NTSR1: variants seen among roughly 807,000 people sequenced by gnomAD.
NTSR1 encodes neurotensin receptor 1.
NTSR1 carries 29 observed loss-of-function variants against 31.2 expected under a neutral mutation model. That is an observed-to-expected ratio of 0.93 (90% confidence interval 0.69 to 1.27). The LOEUF (loss-of-function observed/expected upper bound fraction) is 1.27. Ranked by LOEUF, NTSR1 falls within the 50% of genes most tolerant of loss-of-function variation. The pLI, the probability that NTSR1 is intolerant of heterozygous loss-of-function variation, is 0.00. For missense variants in NTSR1, 697 were observed against 595.4 expected, an observed-to-expected ratio of 1.17 and a Z score of -1.78; for synonymous variants, 282 against 269.9, an observed-to-expected ratio of 1.04 and a Z score of -0.44.
At chr20:62,746,211 T>C (rs372264771) in intron 1 of NTSR1, among the ~76,000 whole-genome samples, 22 of 152,158 alleles carry the variant, frequency 1.4e-4, no homozygotes, top group African/African-American at 5.3e-4. Flanking sequence ...TCTCACCCCC[T>C]GAGTTCTCAG....
chr20:62,746,744 T>G (rs550412663), intron 1 of NTSR1, among the ~76,000 whole-genome samples: 1 of 152,028 alleles, frequency 6.6e-6, no homozygotes, highest in East Asian at 1.9e-4. Context: ...AAAGGACCAA[T>G]AACAAAGAAG....
At chr20:62,717,689 G>T (rs1251781285) in intron 1 of NTSR1, among the ~76,000 whole-genome samples, 1 of 152,172 alleles carries the variant, frequency 6.6e-6, no homozygotes, top group Non-Finnish European at 1.5e-5. Flanking sequence ...AGCCTCCCCA[G>T]GCAGGAGGAA....
At chr20:62,736,923 C>T (rs962158579) in intron 1 of NTSR1, among the ~76,000 whole-genome samples, 5 of 152,176 alleles carry the variant, frequency 3.3e-5, no homozygotes, top group Non-Finnish European at 5.9e-5. Context: ...GTTTTAGAAG[C>T]GTCTGGCGTT....
intron 1 of NTSR1, among the ~76,000 whole-genome samples, chr20:62,737,103 C>A (rs1009119219): frequency 6.6e-6 from 1 of 152,194 alleles, no homozygotes; most frequent in African/African-American, 2.4e-5. Flanking sequence ...TAGAGCAGTG[C>A]GAAAATGGAC....
chr20:62,739,854 C>T (rs574001370), intron 1 of NTSR1, among the ~76,000 whole-genome samples: 10 of 152,370 alleles, frequency 6.6e-5, no homozygotes, highest in Non-Finnish European at 1.0e-4. Flanking sequence ...GAGAACAGGC[C>T]GGCGGGGTGC....
Position 62,750,413 on chromosome 20 carries a change from G to A in NTSR1, c.715-4272G>A, listed in dbSNP as rs575655496. Among the ~76,000 whole-genome samples, 8 of 152,194 alleles carry A rather than the reference G, an allele frequency of 5.3e-5. No homozygotes were observed. In the South Asian group the frequency reaches 8.3e-4, roughly 16 times the overall value. The stretch of plus-strand genomic sequence containing the variant: ...GAGTTAACAATACTGCATTGCGGCC[G>A]GGCGTGGTGGCTCACGCCTGTAATC... On this transcript the variant is annotated intron_variant, in intron 1 of 3. Transcript: ENST00000370501.
chr20:62,716,343 A>G (rs1053393842), intron 1 of NTSR1, among the ~76,000 whole-genome samples: 3 of 152,056 alleles, frequency 2.0e-5, no homozygotes, highest in Non-Finnish European at 4.4e-5. Flanking sequence ...CCAGACTCCA[A>G]GGCCCTGGGT....
chr20:62,720,888 T>C (rs1247417378), intron 1 of NTSR1, among the ~76,000 whole-genome samples: 2 of 152,248 alleles, frequency 1.3e-5, no homozygotes, highest in African/African-American at 4.8e-5. Flanking sequence ...CTCTTTAACC[T>C]TTGTGTTATT....
chr20:62,761,438 G>A lies in NTSR1; in HGVS notation c.*1171G>A, dbSNP rs988521613. Reference sequence around the variant, plus strand: ...CGGCCTCCAAGCAGTTGAAAAAGCTGGCGCCTCCTTGGTCTCTAGGATCCA... The same window carrying A: ...CGGCCTCCAAGCAGTTGAAAAAGCTAGCGCCTCCTTGGTCTCTAGGATCCA... On this transcript the variant is annotated 3_prime_UTR_variant, in exon 4 of 4. Coordinates refer to ENST00000370501, the MANE Select transcript of NTSR1 (RefSeq NM_002531.3). The A allele has an allele frequency of 2.6e-5, 4 of 152,312 alleles. No homozygotes were observed. The highest frequency in any genetic ancestry group is 9.6e-5 in the African/African-American group (4 of 41,464). 9.4% of individuals were successfully genotyped at this position (152,312 alleles called of 1,614,324 possible). A position where few individuals can be genotyped will look rare whatever the true frequency, so the allele number is the denominator to read the frequency against.
At position 62,758,465 on chromosome 20, in the gene NTSR1, G is replaced by A; in HGVS notation, c.1007+109G>A. Reference sequence around the variant, plus strand: ...GGGATCCACTCAGGGCAGGGGTGTGGTGAGTCCCCCGGCGACCCCCTGGGC... The same window carrying A: ...GGGATCCACTCAGGGCAGGGGTGTGATGAGTCCCCCGGCGACCCCCTGGGC... On this transcript the variant is annotated intron_variant, in intron 3 of 3. Transcript: ENST00000370501. This position sits in a 1 kb window ranked among gnomAD's most constrained non-coding sequence, Gnocchi z 4.5. The A allele has an allele frequency of 9.9e-7, 1 of 1,005,290 alleles. No homozygotes were observed. The highest frequency in any genetic ancestry group is 1.5e-6 in the Non-Finnish European group (1 of 660,478). The allele number at this position is 1,005,290 out of a possible 1,614,324, so 62.3% of individuals were successfully genotyped here. A position where few individuals can be genotyped will look rare whatever the true frequency, so the allele number is the denominator to read the frequency against.
In NTSR1 at chr20:62,731,343, A is replaced by C. The variant is rs1483633356; in HGVS notation, c.714+21422A>C. ...AGGTGATCCACCCGCCTTGGCCTCC[A>C]AAAGTGCTGGGATTACAAGTGTGAG... On this transcript the variant is annotated intron_variant, in intron 1 of 3. Transcript: ENST00000370501. Among the ~76,000 whole-genome samples, 5 of 152,194 alleles carry C rather than the reference A, an allele frequency of 3.3e-5. No homozygotes were observed. The South Asian group carries it at 8.3e-4, about 25-fold the overall frequency.
chr20:62,758,659 G>GT lies in NTSR1; in HGVS notation c.1007+304dup, dbSNP rs1484706889. On this transcript the variant is annotated intron_variant, in intron 3 of 3. Transcript: ENST00000370501. This position sits in a 1 kb window ranked among gnomAD's most constrained non-coding sequence, Gnocchi z 4.5. The stretch of plus-strand genomic sequence containing the variant: ...CATCCCTGGCTCTGCTGGGGACATG[G>GT]TGGGGGTGTCACCTCCTCATATGGC... 1.3e-5 allele frequency among the ~76,000 whole-genome samples: 2 copies of GT among 152,142 alleles called. No individual in the cohort carries two copies. The highest frequency in any genetic ancestry group is 3.9e-4 in the East Asian group (2 of 5,188).
rs1275294891 is a variant in NTSR1 at position 62,711,934 on chromosome 20, C to T, written c.714+2013C>T. Among the ~76,000 whole-genome samples, 3 of 152,220 alleles carry T rather than the reference C, an allele frequency of 2.0e-5. No homozygotes were observed. The highest frequency in any genetic ancestry group is 2.9e-5 in the Non-Finnish European group (2 of 68,042). ...TATCAACCGTAGGACAGCGGCCCCACGCCCTGCAGACGCCATGCTGGCCGA... is the reference window on the plus strand; with the variant it reads ...TATCAACCGTAGGACAGCGGCCCCATGCCCTGCAGACGCCATGCTGGCCGA... On this transcript the variant is annotated intron_variant, in intron 1 of 3. Transcript: ENST00000370501. The surrounding 1 kb of genome is among the most constrained non-coding windows in gnomAD (Gnocchi z 6.4).
rs1989218487 is a variant in NTSR1 at position 62,742,252 on chromosome 20, G to A, written c.715-12433G>A. 6.7e-6 allele frequency among the ~76,000 whole-genome samples: 1 copy of A among 149,264 alleles called. No individual in the cohort carries two copies. The highest frequency in any genetic ancestry group is 6.7e-5 in the Admixed American group (1 of 14,824). The stretch of plus-strand genomic sequence containing the variant: ...AGGTCACACGCCTGTTCTCTCTCCA[G>A]TCCTGCCCTCAGGGACTCAGAAATG... On this transcript the variant is annotated intron_variant, in intron 1 of 3. Transcript: ENST00000370501. This position sits in a 1 kb window ranked among gnomAD's most constrained non-coding sequence, Gnocchi z 7.1.
Position 62,711,411 on chromosome 20 carries a change from A to G in NTSR1, c.714+1490A>G, listed in dbSNP as rs1451681488. ...CCCCAAGCTCCTGTCTTTGATTGGC[A>G]TTGGCCAGGGGGAACCTCTCCCCAG... On this transcript the variant is annotated intron_variant, in intron 1 of 3. Transcript: ENST00000370501. The surrounding 1 kb of genome is among the most constrained non-coding windows in gnomAD (Gnocchi z 6.4). 1.3e-5 allele frequency among the ~76,000 whole-genome samples: 2 copies of G among 152,004 alleles called. No homozygotes were observed. The highest frequency in any genetic ancestry group is 6.5e-5 in the Admixed American group (1 of 15,276).
intron 1 of NTSR1, among the ~76,000 whole-genome samples, chr20:62,735,837 G>A (rs571382449): frequency 2.6e-5 from 4 of 152,194 alleles, no homozygotes; most frequent in African/African-American, 4.8e-5. Flanking sequence ...TGCAGGGGGC[G>A]GGAGCAGCCC....
rs144630420 is a variant in NTSR1, at chr20:62,754,886, C to G, written c.916C>G (p.Arg306Gly). 2.5e-6 allele frequency: 4 copies of G among 1,592,534 alleles called. No individual in the cohort carries two copies. Among genetic ancestry groups the G allele is most frequent in the Non-Finnish European group, 3.4e-6 (4 of 1,173,840 alleles). ...CCTGCGGCACGGCGTGCGCGTCCTA[C>G]GTACGTAACCTCTGGGCCCTCCAGG... ...QALRHGVRVL[R>G]AVVIAFVVCW... Residue 306 changes from arginine to glycine, a missense_variant and splice_region_variant, in exon 2 of 4, where the codon CGT (arginine) becomes GGT (glycine). Coordinates refer to ENST00000370501, the MANE Select transcript of NTSR1 (RefSeq NM_002531.3).
chr20:62,758,761 T>C lies in NTSR1; in HGVS notation c.1007+405T>C, dbSNP rs985993383. Among the ~76,000 whole-genome samples the C allele has an allele frequency of 1.5e-4, 23 of 152,178 alleles. No individual in the cohort carries two copies. The highest frequency in any genetic ancestry group is 4.6e-4 in the African/African-American group (19 of 41,434). ...GAGTTATACTCAGGGCTGTGACTTA[T>C]CGCAGCAAGAGCACCAATACTGACA... On this transcript the variant is annotated intron_variant, in intron 3 of 3. Coordinates refer to ENST00000370501, the MANE Select transcript of NTSR1 (RefSeq NM_002531.3). The surrounding 1 kb of genome is among the most constrained non-coding windows in gnomAD (Gnocchi z 4.5).
intron 1 of NTSR1, among the ~76,000 whole-genome samples, chr20:62,720,426 T>C (rs1444878795): frequency 3.3e-5 from 5 of 152,252 alleles, no homozygotes; most frequent in Non-Finnish European, 7.3e-5. Flanking sequence ...TTTTAGAGCA[T>C]AGATTTATTT....
Sources: allele counts gnomAD v4.1 joint callset (sites outside exome capture counted in the v4.1 genomes callset), GRCh38; gene constraint gnomAD v4.1.1; non-coding constraint Gnocchi (gnomAD v3.1); transcripts MANE v1.5; gene names NCBI Gene and HGNC (gene_info 2026-07-23, HGNC 2026-07-21).